CDH22: variants seen among roughly 807,000 people sequenced by gnomAD.
CDH22 encodes cadherin-22.
In CDH22, 30 loss-of-function variants were observed where a neutral mutation model predicts 58.4. The observed-to-expected ratio is 0.51, with a 90% confidence interval of 0.38 to 0.70. The LOEUF is 0.70. Among genes scored for constraint, CDH22 ranks in the 30% least tolerant of loss-of-function variants. CDH22 has a pLI of 0.00. For synonymous variants in CDH22, 513 were observed against 558.2 expected, an observed-to-expected ratio of 0.92 and a Z score of 1.14; for missense variants, 1,014 against 1,233.9, an observed-to-expected ratio of 0.82 and a Z score of 2.67.
At chr20:46,235,767 G>A (rs988242407) in intron 3 of CDH22, among the ~76,000 whole-genome samples, 1 of 152,118 alleles carries the variant, frequency 6.6e-6, no homozygotes, top group Non-Finnish European at 1.5e-5. Flanking sequence ...ACTGGTCCAA[G>A]TCACCATCAC....
In CDH22 at chr20:46,273,588, G is replaced by T. The variant is rs191010326; in HGVS notation, c.-399-21895C>A. On this transcript the variant is annotated intron_variant, in intron 1 of 11. Coordinates refer to ENST00000537909, the MANE Select transcript of CDH22 (RefSeq NM_021248.3). ...GATGCATCAAACATCACACTCACAG[G>T]CCAAGATGCTAACAGAGCGCTGTGC... 2.0e-5 allele frequency among the ~76,000 whole-genome samples: 3 copies of T among 152,278 alleles called. No homozygotes were observed. The East Asian group carries it at 5.8e-4, about 29-fold the overall frequency.
rs867281175 is a variant in CDH22 at position 46,231,922 on chromosome 20, A to G, written c.551-4295T>C. On this transcript the variant is annotated intron_variant, in intron 3 of 11. Transcript: ENST00000537909. ...TCTGAGCCTCTGAGCTGCTATGAGG[A>G]TTAGAAATGATGGATTTAAGGACCC... 3.3e-5 allele frequency among the ~76,000 whole-genome samples: 5 copies of G among 152,262 alleles called. No homozygotes were observed. The South Asian group carries it at 1.0e-3, about 32-fold the overall frequency.
At chr20:46,262,766 C>T (rs1342410370) in intron 1 of CDH22, among the ~76,000 whole-genome samples, 5 of 152,190 alleles carry the variant, frequency 3.3e-5, no homozygotes, top group Non-Finnish European at 7.3e-5. Flanking sequence ...TTAGCCACTA[C>T]CCACGTGGCC....
Position 46,251,050 on chromosome 20 carries a change from T to A in CDH22, c.245A>T (p.Tyr82Phe). The change falls in exon 2 of 12, where the codon TAT (tyrosine) becomes TTT (phenylalanine). Residue 82 changes from tyrosine to phenylalanine, a missense_variant. Transcript: ENST00000537909. This position sits in a 1 kb window ranked among gnomAD's most constrained non-coding sequence, Gnocchi z 6.7. ...VEEYTGTEPL[Y>F]VGKIHSDSDE... Reference sequence around the variant, plus strand: ...GGGGCCCCACTTTACCTTGCCCACATACAGGGGCTCCGTGCCCGTGTACTC... The same window carrying A: ...GGGGCCCCACTTTACCTTGCCCACAAACAGGGGCTCCGTGCCCGTGTACTC... 1 of 1,609,846 alleles carries A rather than the reference T, an allele frequency of 6.2e-7. No homozygotes were observed. Among genetic ancestry groups the A allele is most frequent in the Non-Finnish European group, 8.5e-7 (1 of 1,177,184 alleles).
At chr20:46,292,121 C>T (rs1431920140) in intron 1 of CDH22, among the ~76,000 whole-genome samples, 1 of 152,158 alleles carries the variant, frequency 6.6e-6, no homozygotes, top group African/African-American at 2.4e-5. Context: ...CACACCTTAC[C>T]CAAGGTCACT....
Position 46,300,623 on chromosome 20 carries a change from G to A in CDH22, c.-400+7632C>T, listed in dbSNP as rs939119733. On this transcript the variant is annotated intron_variant, in intron 1 of 11. Coordinates refer to ENST00000537909, the MANE Select transcript of CDH22 (RefSeq NM_021248.3). The surrounding 1 kb of genome is among the most constrained non-coding windows in gnomAD (Gnocchi z 4.4). ...TTCTGCTTTTTTGACTCGCAGAGGG[G>A]TCTGTGGTGTTAACATCTGGACCAA... 1.3e-5 allele frequency among the ~76,000 whole-genome samples: 2 copies of A among 152,234 alleles called. No individual in the cohort carries two copies. The highest frequency in any genetic ancestry group is 4.8e-5 in the African/African-American group (2 of 41,454).
At chr20:46,229,878 A>C (rs1462874691) in intron 3 of CDH22, among the ~76,000 whole-genome samples, 1 of 152,166 alleles carries the variant, frequency 6.6e-6, no homozygotes. Context: ...GCAAAGCACA[A>C]TGCAGGGCTG....
chr20:46,252,815 C>A (rs146350631), intron 1 of CDH22, among the ~76,000 whole-genome samples: 1,984 of 152,292 alleles, frequency 0.013, 23 homozygotes, highest in Middle Eastern at 0.031. Flanking sequence ...ATGATCGGGG[C>A]TATAAAAGTG....
chr20:46,210,464 C>A lies in CDH22; in HGVS notation c.1129G>T (p.Asp377Tyr). The A allele has an allele frequency of 7.0e-7, 1 of 1,434,682 alleles. No homozygotes were observed. Among genetic ancestry groups the A allele is most frequent in the East Asian group, 2.8e-5 (1 of 36,004 alleles). The allele number at this position is 1,434,682 out of a possible 1,614,324, so 88.9% of individuals were successfully genotyped here. Residue 377 changes from aspartate to tyrosine, a missense_variant, in exon 7 of 12, where the codon GAC becomes TAC. By Grantham distance (160) the Asp-to-Tyr change is radical (BLOSUM62 -3). Around this residue, in one of 2 missense-constraint regions of CDH22, gnomAD observed 806 missense variants for 1,038.7 expected, o/e 0.78. Transcript: ENST00000537909. The surrounding 1 kb of genome is among the most constrained non-coding windows in gnomAD (Gnocchi z 4.5). ...ACGGCCACGCGCACGATCGCCTGGT[C>A]GCGGAACGTGCCCAGGTCGGCGAAG... ...PRFADLGTFR[D>Y]QAIVRVAVTD...
chr20:46,185,666 G>T (rs539671395), intron 10 of CDH22, among the ~76,000 whole-genome samples: 19 of 151,066 alleles, frequency 1.3e-4, no homozygotes, highest in South Asian at 2.1e-4. Flanking sequence ...CCAGGAGCTC[G>T]ATACCAGCCT....
chr20:46,307,264 A>T (rs1020915605), intron 1 of CDH22, among the ~76,000 whole-genome samples: 27 of 152,120 alleles, frequency 1.8e-4, no homozygotes, highest in Non-Finnish European at 2.9e-4. Context: ...ACCTCGGGGG[A>T]TCCTGGATCA....
chr20:46,200,119 GC>G (rs1480759447), intron 7 of CDH22, among the ~76,000 whole-genome samples: 1 of 151,964 alleles, frequency 6.6e-6, no homozygotes, highest in African/African-American at 2.4e-5. Context: ...GACTACAGGT[GC>G]CCGCCACCAC....
chr20:46,302,003 G>A (rs1328885970), intron 1 of CDH22, among the ~76,000 whole-genome samples: 1 of 152,144 alleles, frequency 6.6e-6, no homozygotes, highest in African/African-American at 2.4e-5. Context: ...GTATTAGCAT[G>A]GTCCAGCTCT....
At chr20:46,258,733 A>C (rs2086417989) in intron 1 of CDH22, among the ~76,000 whole-genome samples, 1 of 152,228 alleles carries the variant, frequency 6.6e-6, no homozygotes, top group South Asian at 2.1e-4. Flanking sequence ...AGTTTCTGGC[A>C]GTCACCGAGC....
rs2059033114 is a variant in CDH22, at chr20:46,308,418, C to G, written c.-563G>C. 4.7e-6 allele frequency: 1 copy of G among 211,402 alleles called. No homozygotes were observed. 13.1% of individuals were successfully genotyped at this position (211,402 alleles called of 1,614,324 possible). ...GGGGAGCCGCGGCGGCGTGTGCGCG[C>G]GTGTGTGTGAGCGAGAGAGCGAGAG... On this transcript the variant is annotated 5_prime_UTR_variant, in exon 1 of 12. Coordinates refer to ENST00000537909, the MANE Select transcript of CDH22 (RefSeq NM_021248.3). The surrounding 1 kb of genome is among the most constrained non-coding windows in gnomAD (Gnocchi z 4.3).
chr20:46,239,220 T>G lies in CDH22; in HGVS notation c.550+1743A>C, dbSNP rs367679633. 2.2e-4 allele frequency among the ~76,000 whole-genome samples: 33 copies of G among 152,378 alleles called. No homozygotes were observed. In the East Asian group the frequency reaches 3.7e-3, roughly 17 times the overall value. ...TGTTCCCAGGGCCTAGCATGTAGTATGCACTCAATAAATATTTGTTGAATG... is the reference window on the plus strand; with the variant it reads ...TGTTCCCAGGGCCTAGCATGTAGTAGGCACTCAATAAATATTTGTTGAATG... On this transcript the variant is annotated intron_variant, in intron 3 of 11. Transcript: ENST00000537909.
intron 1 of CDH22, among the ~76,000 whole-genome samples, chr20:46,255,301 C>T (rs551599412): frequency 6.6e-6 from 1 of 152,274 alleles, no homozygotes; most frequent in East Asian, 1.9e-4. Context: ...TGTGAGCCAC[C>T]GTGCCTGGCC....
chr20:46,292,827 C>G (rs1278897582), intron 1 of CDH22, among the ~76,000 whole-genome samples: 1 of 152,102 alleles, frequency 6.6e-6, no homozygotes, highest in Non-Finnish European at 1.5e-5. Flanking sequence ...GTCATTTGCT[C>G]CAGGGGGTCT....
chr20:46,201,575 C>T (rs896595481), intron 7 of CDH22, among the ~76,000 whole-genome samples: 1 of 152,200 alleles, frequency 6.6e-6, no homozygotes, highest in Non-Finnish European at 1.5e-5. Flanking sequence ...ATGACTCCTA[C>T]TCACCCCACA....
Sources: gnomAD v4.1 joint callset for allele counts (sites outside exome capture counted in the v4.1 genomes callset) on GRCh38, gnomAD v4.1.1 for gene constraint, gnomAD v4.1.1 regional missense constraint, Gnocchi (gnomAD v3.1) non-coding constraint, MANE v1.5 for transcripts, NCBI Gene and HGNC (gene_info 2026-07-23, HGNC 2026-07-21) for gene names.